Variants in PCDHGA7 observed in about 807,000 individuals in gnomAD.
PCDHGA7 encodes protocadherin gamma-A7.
PCDHGA7 carries 44 observed loss-of-function variants against 58.3 expected under a neutral mutation model. The ratio of observed to expected loss-of-function variants is 0.75; its 90% CI spans 0.59 to 0.97. The LOEUF (loss-of-function observed/expected upper bound fraction) is 0.97. Among genes scored for constraint, PCDHGA7 ranks in the 50% least tolerant of loss-of-function variants. The pLI, the probability that PCDHGA7 is intolerant of heterozygous loss-of-function variation, is 0.00. For synonymous variants in PCDHGA7, 516 were observed against 504.2 expected, an observed-to-expected ratio of 1.02 and a Z score of -0.31; for missense variants, 1,266 against 1,188.7, an observed-to-expected ratio of 1.06 and a Z score of -0.96.
Position 141,511,628 on chromosome 5 carries a change from G to C in PCDHGA7, c.*455G>C, listed in dbSNP as rs4912608. 0.2 allele frequency: 46,780 copies of C among 231,598 alleles called. 5,185 individuals are homozygous for C. The highest frequency in any genetic ancestry group is 0.32 in the Admixed American group (6,204 of 19,590). The allele number at this position is 231,598 out of a possible 1,614,324, so 14.3% of individuals were successfully genotyped here. A position where few individuals can be genotyped will look rare whatever the true frequency, so the allele number is the denominator to read the frequency against. On this transcript the variant is annotated 3_prime_UTR_variant, in exon 4 of 4. Transcript: ENST00000518325. ...CAAGCCTCCTAGTTCTGAAAAGTTG[G>C]AAGGGCATCATGACCTCTTGGCCTC...
In PCDHGA7 at chr5:141,432,002, G is replaced by T; in HGVS notation, c.2424+46679G>T. The T allele has an allele frequency of 6.2e-7, 1 of 1,614,186 alleles. No homozygotes were observed. The highest frequency in any genetic ancestry group is 1.1e-5 in the South Asian group (1 of 91,090). ...AGACATAGTCTTGGATAGGGAACAGGTTCCTAGCTACAACATCACAGTGAC... is the reference window on the plus strand; with the variant it reads ...AGACATAGTCTTGGATAGGGAACAGTTTCCTAGCTACAACATCACAGTGAC... On this transcript the variant is annotated intron_variant, in intron 1 of 3. Coordinates refer to ENST00000518325, the MANE Select transcript of PCDHGA7 (RefSeq NM_018920.4). The surrounding 1 kb of genome is among the most constrained non-coding windows in gnomAD (Gnocchi z 6.0).
chr5:141,395,305 A>G, intron 1 of PCDHGA7: 1 of 1,514,986 alleles, frequency 6.6e-7, no homozygotes. Flanking sequence ...TATGTTTTGA[A>G]AAACATTGTG....
At chr5:141,423,936 G>A (rs2096792092) in intron 1 of PCDHGA7, 1 of 1,225,102 alleles carries the variant, frequency 8.2e-7, no homozygotes. Context: ...TTGGTTTGAA[G>A]TAAGTTGAAT....
In PCDHGA7 at chr5:141,491,707, G is replaced by A. The variant is rs1337506934; in HGVS notation, c.2425-3100G>A. ...GCTGCGGGAGCGGAGCCAGGTGAGG[G>A]GCTCGGCGCCGCCCCGGGCGACCCC... On this transcript the variant is annotated intron_variant, in intron 1 of 3. Transcript: ENST00000518325. The surrounding 1 kb of genome is among the most constrained non-coding windows in gnomAD (Gnocchi z 6.9). The A allele has an allele frequency of 6.2e-6, 10 of 1,610,604 alleles. No homozygotes were observed. Among genetic ancestry groups the A allele is most frequent in the Admixed American group, 1.7e-5 (1 of 59,554 alleles).
chr5:141,506,253 G>A (rs1332023284), intron 3 of PCDHGA7, among the ~76,000 whole-genome samples: 2 of 151,862 alleles, frequency 1.3e-5, no homozygotes, highest in Non-Finnish European at 2.9e-5. Flanking sequence ...GTTCGAAACC[G>A]GCCTGGCCAA....
Position 141,392,774 on chromosome 5 carries a change from C to A in PCDHGA7, c.2424+7451C>A, listed in dbSNP as rs752798314. The A allele has an allele frequency of 2.0e-6, 3 of 1,520,452 alleles. No homozygotes were observed. The South Asian group carries it at 3.9e-5, about 20-fold the overall frequency. The allele number at this position is 1,520,452 out of a possible 1,614,324, so 94.2% of individuals were successfully genotyped here. A position where few individuals can be genotyped will look rare whatever the true frequency, so the allele number is the denominator to read the frequency against. On this transcript the variant is annotated intron_variant, in intron 1 of 3. Coordinates refer to ENST00000518325, the MANE Select transcript of PCDHGA7 (RefSeq NM_018920.4). ...AGAAACTAAATAAGACCCATTTATG[C>A]ACAGTGAAGATTCTGAGAGGATTCT...
intron 1 of PCDHGA7, chr5:141,402,866 T>A (rs1339290452): frequency 4.2e-6 from 6 of 1,442,196 alleles, no homozygotes; most frequent in Non-Finnish European, 5.5e-6. Context: ...AAGGAAAAGA[T>A]CACCATACTT....
chr5:141,404,902 C>T, intron 1 of PCDHGA7: 1 of 1,613,856 alleles, frequency 6.2e-7, no homozygotes, highest in Non-Finnish European at 8.5e-7. Context: ...AGGACCATGG[C>T]CAGCCCCCTC....
At chr5:141,436,347 CT>C (rs1402378657) in intron 1 of PCDHGA7, among the ~76,000 whole-genome samples, 1 of 152,118 alleles carries the variant, frequency 6.6e-6, no homozygotes, top group African/African-American at 2.4e-5. Context: ...ATATCAGTGA[CT>C]TCAATCAACT....
chr5:141,396,814 G>C (rs573559857), intron 1 of PCDHGA7, among the ~76,000 whole-genome samples: 10 of 152,322 alleles, frequency 6.6e-5, no homozygotes, highest in African/African-American at 2.2e-4. Flanking sequence ...GTGTTCTACT[G>C]TATGGTGCAT....
intron 1 of PCDHGA7, chr5:141,404,213 A>G: frequency 6.2e-7 from 1 of 1,613,516 alleles, no homozygotes; most frequent in Non-Finnish European, 8.5e-7. Context: ...ATATAATATC[A>G]CGGTGACTGC....
Position 141,476,447 on chromosome 5 carries a change from G to A in PCDHGA7, c.2425-18360G>A. 2 of 1,614,130 alleles carry A rather than the reference G, an allele frequency of 1.2e-6. No homozygotes were observed. The highest frequency in any genetic ancestry group is 1.7e-6 in the Non-Finnish European group (2 of 1,180,026). On this transcript the variant is annotated intron_variant, in intron 1 of 3. Transcript: ENST00000518325. This position sits in a 1 kb window ranked among gnomAD's most constrained non-coding sequence, Gnocchi z 7.6. ...CTCTTGCACTGTAACTCTGGAGTTGGTAGTGGAGAACCCGCTGGAGCTGTT... is the reference window on the plus strand; with the variant it reads ...CTCTTGCACTGTAACTCTGGAGTTGATAGTGGAGAACCCGCTGGAGCTGTT...
intron 1 of PCDHGA7, among the ~76,000 whole-genome samples, chr5:141,467,017 C>T (rs1036255706): frequency 4.0e-5 from 6 of 151,156 alleles, no homozygotes; most frequent in African/African-American, 1.5e-4. Context: ...AATTTTTTTC[C>T]CTTTGTTTTT....
intron 1 of PCDHGA7, chr5:141,414,617 T>C: frequency 6.2e-7 from 1 of 1,614,002 alleles, no homozygotes; most frequent in Non-Finnish European, 8.5e-7. Flanking sequence ...GTGACAGCGC[T>C]GGACCCGGAC....
At chr5:141,472,980 C>CAAAAAAAAAAAA (rs60579131) in intron 1 of PCDHGA7, among the ~76,000 whole-genome samples, 2 of 86,098 alleles carry the variant, frequency 2.3e-5, no homozygotes, top group African/African-American at 3.9e-5. Context: ...GAGTGAAACT[C>CAAAAAAAAAAAA]AAAAAAAAAA....
chr5:141,405,414 T>G, intron 1 of PCDHGA7: 3 of 1,562,312 alleles, frequency 1.9e-6, no homozygotes, highest in Non-Finnish European at 2.6e-6. Flanking sequence ...TTTCTTTTTT[T>G]GTTTTTTGTT....
At chr5:141,482,530 CAAA>C (rs3074545) in intron 1 of PCDHGA7, among the ~76,000 whole-genome samples, 29 of 76,552 alleles carry the variant, frequency 3.8e-4, no homozygotes, top group African/African-American at 9.1e-4. Context: ...GACAGACATG[CAAA>C]AAAAAAAAAA....
intron 2 of PCDHGA7, 179 bp downstream of exon 2, chr5:141,495,044 T>C (rs2099758475): frequency 1.1e-6 from 1 of 944,572 alleles, no homozygotes; most frequent in Non-Finnish European, 1.3e-6. Flanking sequence ...AAGAGGCGAC[T>C]GCCCTGACTG....
chr5:141,388,555 G>A, intron 1 of PCDHGA7: 1 of 1,613,826 alleles, frequency 6.2e-7, no homozygotes, highest in Non-Finnish European at 8.5e-7. Context: ...CCCCTAAGCA[G>A]CACTGCACAG....
Sources: allele counts gnomAD v4.1 joint callset (sites outside exome capture counted in the v4.1 genomes callset), GRCh38; gene constraint gnomAD v4.1.1; non-coding constraint Gnocchi (gnomAD v3.1); transcripts MANE v1.5; gene names NCBI Gene and HGNC (gene_info 2026-07-23, HGNC 2026-07-21).